The following PUS3 variants were observed in gnomAD, a reference collection of about 807,000 sequenced individuals.
PUS3 encodes the protein tRNA pseudouridine(38/39) synthase.
A neutral mutation model predicts 43.3 loss-of-function variants in PUS3; 36 were observed. That is an observed-to-expected ratio of 0.83 (90% CI 0.64 to 1.10). The LOEUF (loss-of-function observed/expected upper bound fraction) is 1.10, where lower values mean the gene tolerates loss of function less well. Among genes scored for constraint, PUS3 ranks in the 50% least tolerant of loss-of-function variants. The pLI is 0.00. For synonymous variants in PUS3, 183 were observed against 199.2 expected, an observed-to-expected ratio of 0.92 and a Z score of 0.69; for missense variants, 544 against 589.9, an observed-to-expected ratio of 0.92 and a Z score of 0.81.
chr11:125,900,455 A>C, intron 1 of PUS3: 2 of 600,682 alleles, frequency 3.3e-6, no homozygotes, highest in Non-Finnish European at 6.0e-6. Context: ...TTGCCACTCA[A>C]ATCCAGCAAT....
Sources: gnomAD v4.1 joint callset for allele counts on GRCh38, gnomAD v4.1.1 for gene constraint, MANE v1.5 for transcripts, NCBI Gene and HGNC (gene_info 2026-07-23, HGNC 2026-07-21) for gene names.